UIMC1: variants seen among roughly 807,000 people sequenced by gnomAD.
The protein encoded by UIMC1 is ubiquitin interaction motif containing 1.
A neutral mutation model predicts 84.9 loss-of-function variants in UIMC1; 42 were observed. That is an observed-to-expected ratio of 0.49 (90% CI 0.39 to 0.64). UIMC1 has a LOEUF of 0.64. Among genes scored for constraint, UIMC1 ranks in the 30% least tolerant of loss-of-function variants. The pLI is 0.00. For synonymous variants in UIMC1, 281 were observed against 293.0 expected (o/e 0.96, Z 0.42); for missense variants, 825 against 847.6 (o/e 0.97, Z 0.33).
intron 1 of UIMC1, among the ~76,000 whole-genome samples, chr5:177,013,835 A>C (rs1191766034): frequency 6.6e-6 from 1 of 152,178 alleles, no homozygotes; most frequent in Non-Finnish European, 1.5e-5. Flanking sequence ...TTCCTCCAGC[A>C]TCTAATTGTG....
chr5:176,960,383 TAA>T, intron 6 of UIMC1, among the ~76,000 whole-genome samples: 1 of 152,252 alleles, frequency 6.6e-6, no homozygotes, highest in South Asian at 2.1e-4. Context: ...AATCTGAACA[TAA>T]AGTGAGGTTC....
intron 2 of UIMC1, among the ~76,000 whole-genome samples, chr5:176,978,138 G>A (rs1274827216): frequency 6.6e-6 from 1 of 152,138 alleles, no homozygotes. Flanking sequence ...TTGGGAGGCC[G>A]AGGCGGACGG....
At chr5:177,015,640 ACT>A (rs1305378907) in intron 1 of UIMC1, among the ~76,000 whole-genome samples, 1 of 152,074 alleles carries the variant, frequency 6.6e-6, no homozygotes, top group Non-Finnish European at 1.5e-5. Context: ...GCATTACTTG[ACT>A]CTAACCCAAA....
intron 2 of UIMC1, among the ~76,000 whole-genome samples, chr5:176,980,585 ATGTC>A (rs1409153467): frequency 6.6e-6 from 1 of 152,182 alleles, no homozygotes; most frequent in Non-Finnish European, 1.5e-5. Flanking sequence ...TTATGGTTAA[ATGTC>A]TGTAGTGTAC....
chr5:176,934,119 T>C (rs1056040435), intron 10 of UIMC1, among the ~76,000 whole-genome samples: 5 of 152,156 alleles, frequency 3.3e-5, no homozygotes, highest in African/African-American at 1.2e-4. Context: ...TTTTGGGTCT[T>C]TTAGGCCCCT....
chr5:176,917,806 A>G (rs1308967080), intron 10 of UIMC1, among the ~76,000 whole-genome samples: 1 of 152,162 alleles, frequency 6.6e-6, no homozygotes, highest in East Asian at 1.9e-4. Context: ...GTAAAAATAC[A>G]AAATTAGCTG....
At chr5:176,954,317 A>C (rs751189358) in intron 8 of UIMC1, among the ~76,000 whole-genome samples, 1 of 152,202 alleles carries the variant, frequency 6.6e-6, no homozygotes, top group Non-Finnish European at 1.5e-5. Flanking sequence ...CTTTTCACAA[A>C]GGTAGCACAG....
In UIMC1 at chr5:176,958,109, C is replaced by A; in HGVS notation, c.1246G>T (p.Val416Leu). 1 of 1,613,684 alleles carries A rather than the reference C, an allele frequency of 6.2e-7. No individual in the cohort carries two copies. Among genetic ancestry groups the A allele is most frequent in the Non-Finnish European group, 8.5e-7 (1 of 1,179,664 alleles). The change falls in exon 7 of 15, where the codon GTA (valine) becomes TTA (leucine). Residue 416 changes from valine to leucine, a missense_variant. Val to Leu is a conservative substitution (Grantham distance 32). Coordinates refer to ENST00000511320, the MANE Select transcript of UIMC1 (RefSeq NM_001199298.2). ...ATCTCTCACCTTTGTGAAGCAGGTACAGAGTTTCCCTCTTCAGAAGTTTCT... is the reference window on the plus strand; with the variant it reads ...ATCTCTCACCTTTGTGAAGCAGGTAAAGAGTTTCCCTCTTCAGAAGTTTCT... ...VEETSEEGNS[V>L]PASQSVAALT...
chr5:176,923,385 A>C (rs1196797922), intron 10 of UIMC1, among the ~76,000 whole-genome samples: 1 of 152,152 alleles, frequency 6.6e-6, no homozygotes. Flanking sequence ...CAGATAAAAT[A>C]CACTTCAAGA....
chr5:176,957,548 C>T (rs1766756775), intron 7 of UIMC1, among the ~76,000 whole-genome samples: 1 of 152,104 alleles, frequency 6.6e-6, no homozygotes, highest in East Asian at 1.9e-4. Context: ...GAGGCACAAA[C>T]GGATTAAAAG....
rs542085056 is a variant in UIMC1 at position 176,954,469 on chromosome 5, T to C, written c.1339+1490A>G. Reference sequence around the variant, plus strand: ...AACCAACATAGGCTGAGCACGATGGTTCATGCCTAATCCCCAGCACTTTAG... The same window carrying C: ...AACCAACATAGGCTGAGCACGATGGCTCATGCCTAATCCCCAGCACTTTAG... On this transcript the variant is annotated intron_variant, in intron 8 of 14. Coordinates refer to ENST00000511320, the MANE Select transcript of UIMC1 (RefSeq NM_001199298.2). Among the ~76,000 whole-genome samples the C allele has an allele frequency of 1.2e-4, 18 of 152,164 alleles. No individual in the cohort carries two copies. In the South Asian group the frequency reaches 1.9e-3, roughly 16 times the overall value.
intron 10 of UIMC1, among the ~76,000 whole-genome samples, chr5:176,938,271 G>C (rs1581450951): frequency 7.7e-6 from 1 of 130,104 alleles, no homozygotes; most frequent in Middle Eastern, 4.2e-3. Context: ...TTTTACAAAA[G>C]ATTTTAAAAC....
rs1201808964 is a variant in UIMC1 at position 176,924,900 on chromosome 5, ACACATCTGTAGTCT to A, written c.1598-13525_1598-13512del. ...CTAAAAATACGAAAATTAGCCGGGC[ACACATCTGTAGTCT>A]CAGCTACTCAGGAGGCTGAGGCAGG... On this transcript the variant is annotated intron_variant, in intron 10 of 14. Coordinates refer to ENST00000511320, the MANE Select transcript of UIMC1 (RefSeq NM_001199298.2). Among the ~76,000 whole-genome samples the A allele has an allele frequency of 2.6e-5, 4 of 151,982 alleles. No homozygotes were observed. The East Asian group carries it at 7.8e-4, about 29-fold the overall frequency.
chr5:176,942,133 C>T (rs1764514917), intron 10 of UIMC1, among the ~76,000 whole-genome samples: 1 of 152,202 alleles, frequency 6.6e-6, no homozygotes, highest in African/African-American at 2.4e-5. Flanking sequence ...AACCACCGCG[C>T]CCAGCCTCTG....
At chr5:177,005,170 C>T (rs561546965) in intron 1 of UIMC1, among the ~76,000 whole-genome samples, 12 of 152,082 alleles carry the variant, frequency 7.9e-5, no homozygotes, top group African/African-American at 2.9e-4. Context: ...ACTTCCTGGG[C>T]TCACGGGATC....
chr5:177,002,054 G>C (rs1426681815), intron 1 of UIMC1: 1 of 151,012 alleles, frequency 6.6e-6, no homozygotes, highest in Non-Finnish European at 1.5e-5. Flanking sequence ...ACCCAGAAGG[G>C]AGAGGTTGCA....
intron 1 of UIMC1, among the ~76,000 whole-genome samples, chr5:176,998,239 A>G (rs948530023): frequency 2.6e-5 from 4 of 151,972 alleles, no homozygotes; most frequent in African/African-American, 9.7e-5. Context: ...CACTTTCGGC[A>G]GATCATCTGA....
At chr5:176,915,412 A>G (rs1760841296) in intron 10 of UIMC1, among the ~76,000 whole-genome samples, 1 of 151,762 alleles carries the variant, frequency 6.6e-6, no homozygotes, top group African/African-American at 2.4e-5. Context: ...TATCTTTACA[A>G]CAACCCTACA....
At chr5:176,990,766 T>G (rs1392903057) in intron 1 of UIMC1, among the ~76,000 whole-genome samples, 1 of 152,050 alleles carries the variant, frequency 6.6e-6, no homozygotes, top group Non-Finnish European at 1.5e-5. Flanking sequence ...CTGTAACTCT[T>G]AGGTTCAAAG....
Sources: allele counts gnomAD v4.1 joint callset (sites outside exome capture counted in the v4.1 genomes callset), GRCh38; gene constraint gnomAD v4.1.1; transcripts MANE v1.5; gene names NCBI Gene and HGNC (gene_info 2026-07-23, HGNC 2026-07-21).